The following PDE3A variants were observed in gnomAD, a reference collection of about 807,000 sequenced individuals.
The protein encoded by PDE3A is phosphodiesterase 3A.
A neutral mutation model predicts 98.3 loss-of-function variants in PDE3A; 43 were observed. The observed-to-expected ratio is 0.44, with a 90% confidence interval of 0.34 to 0.56. PDE3A has a LOEUF of 0.56. Among genes scored for constraint, PDE3A ranks in the 20% least tolerant of loss-of-function variants. The probability of loss-of-function intolerance (pLI) is 0.01; values close to 1 mark genes in which losing one functional copy is unlikely to be tolerated. For synonymous variants in PDE3A, 663 were observed against 567.9 expected (o/e 1.17, Z -2.38); for missense variants, 1,427 against 1,440.7 (o/e 0.99, Z 0.15).
In PDE3A at chr12:20,682,695, TTAAC is replaced by T. The variant is rs1253759359; in HGVS notation, c.*2427_*2430del. On this transcript the variant is annotated 3_prime_UTR_variant, in exon 16 of 16. Transcript: ENST00000359062. ...TATAAGTCAAATTTTGCCAGTGAAT[TTAAC>T]TATTTTTCTTTCCTTGCAATTAAGG... 3 of 152,216 alleles carry T rather than the reference TTAAC, an allele frequency of 2.0e-5. No homozygotes were observed. The highest frequency in any genetic ancestry group is 7.2e-5 in the African/African-American group (3 of 41,466). The allele number at this position is 152,216 out of a possible 1,614,324, so 9.4% of individuals were successfully genotyped here. A position where few individuals can be genotyped will look rare whatever the true frequency, so the allele number is the denominator to read the frequency against.
chr12:20,575,665 G>A (rs1942912466), intron 2 of PDE3A, among the ~76,000 whole-genome samples: 1 of 151,896 alleles, frequency 6.6e-6, no homozygotes, highest in African/African-American at 2.4e-5. Context: ...TCATCCAAGT[G>A]AAAAAGAGTT....
chr12:20,570,787 A>C (rs575861713), intron 2 of PDE3A, among the ~76,000 whole-genome samples: 7 of 152,218 alleles, frequency 4.6e-5, no homozygotes, highest in Non-Finnish European at 8.8e-5. Flanking sequence ...CTCTTCATTT[A>C]ATGGAAATTT....
chr12:20,664,505 T>A (rs963326846), intron 15 of PDE3A, among the ~76,000 whole-genome samples: 3 of 152,162 alleles, frequency 2.0e-5, no homozygotes, highest in Admixed American at 6.5e-5. Flanking sequence ...TTTTGCTGTG[T>A]CCCCACCCAA....
intron 2 of PDE3A, among the ~76,000 whole-genome samples, chr12:20,560,217 G>T (rs957210933): frequency 6.6e-5 from 10 of 152,152 alleles, no homozygotes; most frequent in Admixed American, 6.5e-4. Flanking sequence ...AGATAATTGA[G>T]CTCCTCCAGT....
At chr12:20,472,280 T>C (rs1320441592) in intron 1 of PDE3A, among the ~76,000 whole-genome samples, 1 of 152,182 alleles carries the variant, frequency 6.6e-6, no homozygotes, top group Non-Finnish European at 1.5e-5. Flanking sequence ...AGCCAACTAC[T>C]TGCATATTCC....
Position 20,685,225 on chromosome 12 carries a change from C to G in PDE3A, c.*4954C>G, listed in dbSNP as rs1325170668. ...GTCGGGAGTTCGACACCAGCCTGACCAACACGGAGAAACCCCGTCTTTACT... is the reference window on the plus strand; with the variant it reads ...GTCGGGAGTTCGACACCAGCCTGACGAACACGGAGAAACCCCGTCTTTACT... On this transcript the variant is annotated 3_prime_UTR_variant, in exon 16 of 16. Transcript: ENST00000359062. 6.6e-6 allele frequency among the ~76,000 whole-genome samples: 1 copy of G among 151,846 alleles called. No homozygotes were observed. The highest frequency in any genetic ancestry group is 1.5e-5 in the Non-Finnish European group (1 of 67,978).
intron 10 of PDE3A, among the ~76,000 whole-genome samples, chr12:20,642,316 G>T (rs895183444): frequency 3.9e-5 from 6 of 152,024 alleles, no homozygotes; most frequent in Non-Finnish European, 8.8e-5. Flanking sequence ...TTTAAACAGA[G>T]AATTAAAGTA....
At chr12:20,553,765 C>G (rs1027854774) in intron 1 of PDE3A, among the ~76,000 whole-genome samples, 1 of 152,246 alleles carries the variant, frequency 6.6e-6, no homozygotes, top group Non-Finnish European at 1.5e-5. Flanking sequence ...GACGCCAGCA[C>G]ATGAAGTCAC....
intron 15 of PDE3A, among the ~76,000 whole-genome samples, chr12:20,668,647 T>C (rs1310395617): frequency 6.7e-6 from 1 of 150,014 alleles, no homozygotes; most frequent in Non-Finnish European, 1.5e-5. Context: ...TCCTGTCTGT[T>C]AGAAGGAAAA....
At chr12:20,596,980 C>T (rs536403131) in intron 2 of PDE3A, among the ~76,000 whole-genome samples, 7 of 152,212 alleles carry the variant, frequency 4.6e-5, no homozygotes, top group Middle Eastern at 3.4e-3. Context: ...TTGTGAATAG[C>T]GTAGGGCTTC....
rs1476653959 is a variant in PDE3A at position 20,670,993 on chromosome 12, G to A, written c.3185-9037G>A. On this transcript the variant is annotated intron_variant, in intron 15 of 15. Transcript: ENST00000359062. ...AAAAAGAGAGAAGAATCAAATAGAC[G>A]CAATAAAATATGATAAAGGGGATAT... Among the ~76,000 whole-genome samples the A allele has an allele frequency of 1.2e-4, 14 of 114,392 alleles. 1 individual carries two copies. The highest frequency in any genetic ancestry group is 1.1e-3 in the East Asian group (4 of 3,794). The allele number at this position is 114,392 out of a possible 152,430, so 75.0% of individuals were successfully genotyped here. A position where few individuals can be genotyped will look rare whatever the true frequency, so the allele number is the denominator to read the frequency against.
chr12:20,651,768 T>TTTG (rs71039964), intron 14 of PDE3A, among the ~76,000 whole-genome samples: 10 of 15,598 alleles, frequency 6.4e-4, no homozygotes, highest in Non-Finnish European at 7.5e-4. Context: ...GAATGAAAGA[T>TTTG]TTTTTTTATT....
At chr12:20,478,064 C>G (rs1396264404) in intron 1 of PDE3A, among the ~76,000 whole-genome samples, 1 of 152,170 alleles carries the variant, frequency 6.6e-6, no homozygotes, top group Non-Finnish European at 1.5e-5. Context: ...GCAGGAGGCT[C>G]ATATTCTTCC....
At chr12:20,630,945 G>C (rs188917236) in intron 6 of PDE3A, among the ~76,000 whole-genome samples, 3 of 151,948 alleles carry the variant, frequency 2.0e-5, no homozygotes, top group Middle Eastern at 6.9e-3. Flanking sequence ...GTAACTTGTT[G>C]GTTTTCTAGT....
At chr12:20,529,923 C>A (rs1946593387) in intron 1 of PDE3A, among the ~76,000 whole-genome samples, 1 of 151,698 alleles carries the variant, frequency 6.6e-6, no homozygotes. Context: ...TGCTCAATGC[C>A]TGTCTCTAGA....
At chr12:20,555,603 C>T (rs1031840317) in intron 1 of PDE3A, among the ~76,000 whole-genome samples, 2 of 152,128 alleles carry the variant, frequency 1.3e-5, no homozygotes, top group African/African-American at 4.8e-5. Flanking sequence ...AATTTATATT[C>T]TTTCAAAATT....
chr12:20,405,398 C>G (rs916628512), intron 1 of PDE3A, among the ~76,000 whole-genome samples: 1 of 152,086 alleles, frequency 6.6e-6, no homozygotes, highest in Admixed American at 6.6e-5. Context: ...TTACTAGAAT[C>G]CTGTTCATCT....
intron 1 of PDE3A, among the ~76,000 whole-genome samples, chr12:20,528,449 C>G (rs1345243835): frequency 6.6e-6 from 1 of 152,186 alleles, no homozygotes; most frequent in South Asian, 2.1e-4. Context: ...AGAAGTTCAA[C>G]CTAGTGGAGA....
intron 1 of PDE3A, among the ~76,000 whole-genome samples, chr12:20,474,957 T>G (rs1457964255): frequency 3.9e-5 from 6 of 152,098 alleles, no homozygotes; most frequent in African/African-American, 1.4e-4. Flanking sequence ...GAAGATAAAT[T>G]TATCTTTTTT....
Sources: allele counts gnomAD v4.1 joint callset (sites outside exome capture counted in the v4.1 genomes callset), GRCh38; gene constraint gnomAD v4.1.1; transcripts MANE v1.5; gene names NCBI Gene and HGNC (gene_info 2026-07-23, HGNC 2026-07-21).